ATP8A1: variants seen among roughly 807,000 people sequenced by gnomAD.
ATP8A1 encodes ATPase phospholipid transporting 8A1, also known as phospholipid-transporting ATPase IA.
Under a neutral mutation model 177.7 loss-of-function variants are expected in ATP8A1, and 90 were observed. The observed-to-expected ratio is 0.51, with a 90% CI of 0.43 to 0.60. The LOEUF (loss-of-function observed/expected upper bound fraction) is 0.60. Among genes scored for constraint, ATP8A1 ranks in the 20% least tolerant of loss-of-function variants. The probability of loss-of-function intolerance (pLI) is 0.00; values close to 1 mark genes in which losing one functional copy is unlikely to be tolerated. For missense variants in ATP8A1, 1,072 were observed against 1,392.8 expected (o/e 0.77, Z 3.67); for synonymous variants, 493 against 485.9 (o/e 1.01, Z -0.19).
chr4:42,503,993 G>A, intron 23 of ATP8A1, among the ~76,000 whole-genome samples: 1 of 152,088 alleles, frequency 6.6e-6, no homozygotes, highest in East Asian at 1.9e-4. Context: ...TTGCTTTGTT[G>A]CACTTACTGC....
At chr4:42,630,520 C>G (rs1393848967) in intron 1 of ATP8A1, among the ~76,000 whole-genome samples, 1 of 152,144 alleles carries the variant, frequency 6.6e-6, no homozygotes, top group Non-Finnish European at 1.5e-5. Context: ...CCTTCAGAAG[C>G]CTTCTTTGTC....
At chr4:42,596,473 C>G (rs1734721517) in intron 6 of ATP8A1, among the ~76,000 whole-genome samples, 1 of 151,684 alleles carries the variant, frequency 6.6e-6, no homozygotes, top group South Asian at 2.1e-4. Context: ...AATTCAAGAC[C>G]AGCCTGGCCA....
chr4:42,578,113 G>T, intron 12 of ATP8A1, 147 bp downstream of exon 12: 1 of 732,802 alleles, frequency 1.4e-6, no homozygotes. Flanking sequence ...CTGAGATGAG[G>T]AACTTTGCAA....
At position 42,508,759 on chromosome 4, in the gene ATP8A1, C is replaced by G. The variant is rs181062851; in HGVS notation, c.1948-1605G>C. Among the ~76,000 whole-genome samples, 40 of 152,318 alleles carry G rather than the reference C, an allele frequency of 2.6e-4. No homozygotes were observed. The Middle Eastern group carries it at 0.01, about 39-fold the overall frequency. ...ATTTATCTTTCTTCTCAATCATTTT[C>G]TCCTCTCTTGCCTTCATTTTTTTTC... On this transcript the variant is annotated intron_variant, in intron 22 of 36. Transcript: ENST00000381668.
At chr4:42,455,237 T>C in intron 29 of ATP8A1, 60 bp downstream of exon 29, 5 of 1,595,272 alleles carry the variant, frequency 3.1e-6, no homozygotes, top group Non-Finnish European at 4.3e-6. Context: ...ATACCCCATA[T>C]AATGAGGGCA....
chr4:42,479,812 T>G (rs1721468953), intron 25 of ATP8A1, among the ~76,000 whole-genome samples: 2 of 151,946 alleles, frequency 1.3e-5, no homozygotes, highest in African/African-American at 4.8e-5. Context: ...AAGGTAGCAG[T>G]TATCTTTGGG....
At chr4:42,636,707 T>C (rs1739431681) in intron 1 of ATP8A1, among the ~76,000 whole-genome samples, 1 of 152,154 alleles carries the variant, frequency 6.6e-6, no homozygotes, top group Non-Finnish European at 1.5e-5. Flanking sequence ...CAGCTCGGCA[T>C]CTGCTTCTCC....
At chr4:42,419,939 G>T (rs890684670) in intron 35 of ATP8A1, among the ~76,000 whole-genome samples, 1 of 151,914 alleles carries the variant, frequency 6.6e-6, no homozygotes, top group African/African-American at 2.4e-5. Flanking sequence ...GGAGGCAGAG[G>T]TTGCAGTGAG....
intron 5 of ATP8A1, among the ~76,000 whole-genome samples, chr4:42,601,479 T>A (rs1057321479): frequency 6.6e-6 from 1 of 151,224 alleles, no homozygotes; most frequent in Admixed American, 6.6e-5. Context: ...TCCAGTATAA[T>A]TTTTTTTTCC....
At chr4:42,616,710 C>G (rs1402443535) in intron 4 of ATP8A1, among the ~76,000 whole-genome samples, 3 of 152,142 alleles carry the variant, frequency 2.0e-5, no homozygotes, top group Non-Finnish European at 2.9e-5. Flanking sequence ...TTCCTTCCTC[C>G]CAAGAGCACC....
intron 32 of ATP8A1, among the ~76,000 whole-genome samples, chr4:42,444,354 A>G (rs1156667786): frequency 6.6e-6 from 1 of 152,160 alleles, no homozygotes; most frequent in African/African-American, 2.4e-5. Flanking sequence ...AGGCTCTGAG[A>G]AGTCTTGTGG....
rs766025131 is a variant in ATP8A1, at chr4:42,625,584, A to C, written c.264+30T>G. On this transcript the variant is annotated intron_variant, in intron 3 of 36. Transcript: ENST00000381668. Reference sequence around the variant, plus strand: ...GCTTAACATTTATTAGTACCTGAACATTTGACAAGGTTTTATGACGTGACT... The same window carrying C: ...GCTTAACATTTATTAGTACCTGAACCTTTGACAAGGTTTTATGACGTGACT... 9 of 1,468,000 alleles carry C rather than the reference A, an allele frequency of 6.1e-6. No individual in the cohort carries two copies. In the South Asian group the frequency reaches 1.1e-4, roughly 18 times the overall value. The allele number at this position is 1,468,000 out of a possible 1,614,324, so 90.9% of individuals were successfully genotyped here. A position where few individuals can be genotyped will look rare whatever the true frequency, so the allele number is the denominator to read the frequency against.
At chr4:42,425,226 G>A (rs189036611) in intron 33 of ATP8A1, among the ~76,000 whole-genome samples, 86 of 152,160 alleles carry the variant, frequency 5.7e-4, no homozygotes, top group African/African-American at 1.9e-3. Flanking sequence ...ATTTGGTTGG[G>A]GGGGGGCAAG....
At chr4:42,460,039 C>G (rs1718931417) in intron 27 of ATP8A1, among the ~76,000 whole-genome samples, 1 of 152,156 alleles carries the variant, frequency 6.6e-6, no homozygotes, top group Non-Finnish European at 1.5e-5. Flanking sequence ...GATCCACCCC[C>G]CTCGGCCTCC....
intron 33 of ATP8A1, among the ~76,000 whole-genome samples, chr4:42,433,776 G>A (rs1453197909): frequency 6.6e-6 from 1 of 151,704 alleles, no homozygotes; most frequent in Non-Finnish European, 1.5e-5. Context: ...TCATCTCGTG[G>A]GGGCTAAGAA....
chr4:42,485,298 C>T (rs958029386), intron 25 of ATP8A1, among the ~76,000 whole-genome samples, 198 bp downstream of exon 25: 1 of 152,170 alleles, frequency 6.6e-6, no homozygotes, highest in Admixed American at 6.5e-5. Flanking sequence ...AGGAAAAATA[C>T]TTGTTAATGA....
At chr4:42,630,726 C>T (rs2109505883) in intron 1 of ATP8A1, among the ~76,000 whole-genome samples, 1 of 152,324 alleles carries the variant, frequency 6.6e-6, no homozygotes, top group Admixed American at 6.5e-5. Flanking sequence ...CACCCATTTT[C>T]TCTGGGTTCA....
rs1426213968 is a variant in ATP8A1, at chr4:42,440,088, C to T, written c.3123+3477G>A. 3.3e-5 allele frequency among the ~76,000 whole-genome samples: 5 copies of T among 152,296 alleles called. No homozygotes were observed. The East Asian group carries it at 5.8e-4, about 18-fold the overall frequency. ...CTCCTGATGTTCATGGCAAACACAA[C>T]GGAGTCTGCCCTGACTTCTCCTCTG... On this transcript the variant is annotated intron_variant, in intron 33 of 36. Transcript: ENST00000381668.
intron 6 of ATP8A1, among the ~76,000 whole-genome samples, chr4:42,599,929 C>T (rs1372135852): frequency 1.3e-5 from 2 of 152,154 alleles, no homozygotes; most frequent in Non-Finnish European, 2.9e-5. Flanking sequence ...GAATAAACAC[C>T]TGAATAACAT....
Sources: allele counts gnomAD v4.1 joint callset (sites outside exome capture counted in the v4.1 genomes callset), GRCh38; gene constraint gnomAD v4.1.1; transcripts MANE v1.5; gene names NCBI Gene and HGNC (gene_info 2026-07-23, HGNC 2026-07-21).